ENAH: variants seen among roughly 807,000 people sequenced by gnomAD.
ENAH encodes the protein ENAH actin regulator, also known as protein enabled homolog.
ENAH carries 23 observed loss-of-function variants against 78.7 expected under a neutral mutation model. The observed-to-expected ratio is 0.29, with a 90% confidence interval of 0.21 to 0.41. ENAH has a LOEUF of 0.41. Among genes scored for constraint, ENAH ranks in the 10% least tolerant of loss-of-function variants. The pLI is 1.00. For synonymous variants in ENAH, 226 were observed against 241.0 expected (o/e 0.94, Z 0.58); for missense variants, 544 against 691.0 (o/e 0.79, Z 2.39).
chr1:225,498,275 T>C, intron 13 of ENAH, 72 bp downstream of exon 13: 2 of 1,257,724 alleles, frequency 1.6e-6, no homozygotes, highest in Non-Finnish European at 2.3e-6. Flanking sequence ...TATTTCCTTA[T>C]TTGCATTTTC....
chr1:225,537,843 T>C (rs573982665), intron 3 of ENAH, among the ~76,000 whole-genome samples: 2 of 152,170 alleles, frequency 1.3e-5, no homozygotes, highest in South Asian at 4.1e-4. Flanking sequence ...AGCAGGGAAA[T>C]GTAGAAACGC....
chr1:225,628,302 T>C (rs139052839), intron 1 of ENAH, among the ~76,000 whole-genome samples: 111 of 152,344 alleles, frequency 7.3e-4, no homozygotes, highest in African/African-American at 2.7e-3. Flanking sequence ...GCTTTTAAAA[T>C]CGTTTCTATT....
intron 3 of ENAH, among the ~76,000 whole-genome samples, chr1:225,547,109 T>TCG (rs1228108351): frequency 6.6e-6 from 1 of 151,992 alleles, no homozygotes; most frequent in Non-Finnish European, 1.5e-5. Flanking sequence ...TCTCACTCTG[T>TCG]CGCCCAGGCT....
At chr1:225,554,376 A>G (rs1455791191) in intron 3 of ENAH, among the ~76,000 whole-genome samples, 1 of 152,156 alleles carries the variant, frequency 6.6e-6, no homozygotes, top group Admixed American at 6.5e-5. Context: ...AATATGCACT[A>G]TCAGAGGAGA....
At chr1:225,571,134 T>C (rs1228194919) in intron 1 of ENAH, among the ~76,000 whole-genome samples, 2 of 151,384 alleles carry the variant, frequency 1.3e-5, no homozygotes, top group Non-Finnish European at 2.9e-5. Context: ...AACTCAGCAC[T>C]TTGGGAGGCC....
chr1:225,590,124 C>A (rs2096868173), intron 1 of ENAH, among the ~76,000 whole-genome samples: 1 of 149,964 alleles, frequency 6.7e-6, no homozygotes, highest in Non-Finnish European at 1.5e-5. Context: ...CACACACACA[C>A]ACACACAGCA....
intron 1 of ENAH, chr1:225,580,031 T>G (rs1289828340): frequency 6.6e-6 from 1 of 152,180 alleles, no homozygotes; most frequent in Non-Finnish European, 1.5e-5. Context: ...TTCTGGTTCC[T>G]ACTCTAAGTA....
At position 225,501,000 on chromosome 1, in the gene ENAH, G is replaced by A; in HGVS notation, c.1609C>T (p.Leu537=). The A allele has an allele frequency of 1.9e-6, 3 of 1,614,082 alleles. No individual in the cohort carries two copies. Among genetic ancestry groups the A allele is most frequent in the Non-Finnish European group, 8.5e-7 (1 of 1,179,978 alleles). ...VQTEGLDYDR[L]KQDILDEMRK... is the part of the protein sequence containing the mutation. Reference sequence around the variant, plus strand: ...TGCCACTGAGCACCCACCTGCTTCAGCCTGTCATAGTCAAGTCCTTCCGTC... The same window carrying A: ...TGCCACTGAGCACCCACCTGCTTCAACCTGTCATAGTCAAGTCCTTCCGTC... Residue 537 remains leucine, a synonymous_variant, in exon 12 of 14, where the codon CTG becomes TTG. Coordinates refer to ENST00000366843, the MANE Select transcript of ENAH (RefSeq NM_018212.6).
At chr1:225,542,786 T>TG (rs2151336152) in intron 3 of ENAH, among the ~76,000 whole-genome samples, 1 of 152,278 alleles carries the variant, frequency 6.6e-6, no homozygotes, top group South Asian at 2.1e-4. Flanking sequence ...TTTGGGAGAC[T>TG]GAGGCAGGAC....
chr1:225,606,922 C>T (rs1286189478), intron 1 of ENAH, among the ~76,000 whole-genome samples: 1 of 150,002 alleles, frequency 6.7e-6, no homozygotes, highest in African/African-American at 2.5e-5. Flanking sequence ...CACACAAATC[C>T]AATAAAATAA....
At chr1:225,587,314 G>A (rs1026792151) in intron 1 of ENAH, among the ~76,000 whole-genome samples, 2 of 152,142 alleles carry the variant, frequency 1.3e-5, no homozygotes, top group Admixed American at 6.5e-5. Context: ...AAATTAGTAA[G>A]TGAATTTAGC....
chr1:225,625,520 T>C (rs1457787869), intron 1 of ENAH, among the ~76,000 whole-genome samples: 1 of 152,158 alleles, frequency 6.6e-6, no homozygotes. Context: ...ACACGTTTCC[T>C]GTATTTTTGT....
At chr1:225,542,985 C>T (rs2151337941) in intron 3 of ENAH, among the ~76,000 whole-genome samples, 1 of 150,958 alleles carries the variant, frequency 6.6e-6, no homozygotes, top group South Asian at 2.1e-4. Flanking sequence ...CACCACTGCA[C>T]TCCAGATTGG....
rs1040640389 is a variant in ENAH, at chr1:225,582,432, C to T, written c.6-15018G>A. The stretch of plus-strand genomic sequence containing the variant: ...CAACTCTTTTAAGAAAGGAATAATA[C>T]GGGGAGAGTTCTCTGATGTTTACAG... On this transcript the variant is annotated intron_variant, in intron 1 of 13. Coordinates refer to ENST00000366843, the MANE Select transcript of ENAH (RefSeq NM_018212.6). Among the ~76,000 whole-genome samples, 9 of 151,848 alleles carry T rather than the reference C, an allele frequency of 5.9e-5. No homozygotes were observed. In the East Asian group the frequency reaches 1.2e-3, roughly 20 times the overall value.
intron 4 of ENAH, among the ~76,000 whole-genome samples, chr1:225,523,392 G>A (rs766144344): frequency 4.6e-5 from 7 of 151,800 alleles, no homozygotes; most frequent in Non-Finnish European, 8.8e-5. Context: ...ATTGACTTAA[G>A]AAGTTTGTTC....
At chr1:225,626,585 TG>T (rs910637967) in intron 1 of ENAH, among the ~76,000 whole-genome samples, 4 of 152,214 alleles carry the variant, frequency 2.6e-5, no homozygotes, top group South Asian at 2.1e-4. Context: ...CTGAATCTCT[TG>T]GCAACTTAAT....
intron 3 of ENAH, among the ~76,000 whole-genome samples, chr1:225,554,323 T>C (rs2096655836): frequency 6.6e-6 from 1 of 152,188 alleles, no homozygotes; most frequent in South Asian, 2.1e-4. Context: ...TTTTTAAAAA[T>C]TGAGATTTTT....
chr1:225,492,913 TTA>T lies in ENAH; in HGVS notation c.*4860_*4861del, dbSNP rs1491433278. ...AAGAAAACTATTTAGAAAGACAAAT[TTA>T]GTTAATTCTTTAGCAGTTGTCAAAT... On this transcript the variant is annotated 3_prime_UTR_variant, in exon 14 of 14. Transcript: ENST00000366843. 4.0e-5 allele frequency: 6 copies of T among 151,034 alleles called. No homozygotes were observed. The highest frequency in any genetic ancestry group is 8.9e-5 in the Non-Finnish European group (6 of 67,606). 9.4% of individuals were successfully genotyped at this position (151,034 alleles called of 1,614,324 possible). A position where few individuals can be genotyped will look rare whatever the true frequency, so the allele number is the denominator to read the frequency against.
intron 1 of ENAH, among the ~76,000 whole-genome samples, chr1:225,634,671 T>C (rs1056418511): frequency 6.6e-6 from 1 of 152,240 alleles, no homozygotes; most frequent in Non-Finnish European, 1.5e-5. Context: ...GAAAAGATTA[T>C]CCCTTCTCTC....
Sources: gnomAD v4.1 joint callset for allele counts (sites outside exome capture counted in the v4.1 genomes callset) on GRCh38, gnomAD v4.1.1 for gene constraint, MANE v1.5 for transcripts, NCBI Gene and HGNC (gene_info 2026-07-23, HGNC 2026-07-21) for gene names.